PDZD2: variants seen among roughly 807,000 people sequenced by gnomAD.
PDZD2 encodes the protein PDZ domain containing 2, also known as PDZ domain-containing protein 2.
A neutral mutation model predicts 220.7 loss-of-function variants in PDZD2; 90 were observed. The ratio of observed to expected loss-of-function variants is 0.41; its 90% confidence interval spans 0.34 to 0.49. The LOEUF (loss-of-function observed/expected upper bound fraction) is 0.49, where lower values mean the gene tolerates loss of function less well. Ranked by LOEUF, PDZD2 falls within the 20% of genes least tolerant of loss-of-function variation. The pLI, the probability that PDZD2 is intolerant of heterozygous loss-of-function variation, is 0.28. For missense variants in PDZD2, 3,174 were observed against 3,608.5 expected, an observed-to-expected ratio of 0.88 and a Z score of 3.08; for synonymous variants, 1,375 against 1,450.5, an observed-to-expected ratio of 0.95 and a Z score of 1.18.
chr5:31,846,505 G>C (rs1289258232), intron 2 of PDZD2, among the ~76,000 whole-genome samples: 1 of 152,178 alleles, frequency 6.6e-6, no homozygotes, highest in Non-Finnish European at 1.5e-5. Flanking sequence ...CATCTGTTCA[G>C]ACGTCATTCA....
Position 32,087,875 on chromosome 5 carries a change from C to CG in PDZD2, c.4433dup (p.Gln1479ProfsTer30). 1 of 1,612,276 alleles carries CG rather than the reference C, an allele frequency of 6.2e-7. No homozygotes were observed. ...AGCTCCTGCCGTGCCGAACCAGTCC[C>CG]GGGGGGCCAGACCTCCTCCCCGAGG... On this transcript the variant is annotated frameshift_variant, in exon 20 of 25. Transcript: ENST00000438447. LOFTEE classifies it high-confidence loss of function. This position sits in a 1 kb window ranked among gnomAD's most constrained non-coding sequence, Gnocchi z 4.0.
intron 7 of PDZD2, among the ~76,000 whole-genome samples, chr5:32,038,182 TA>T (rs547581515): frequency 0.21 from 22,473 of 108,960 alleles, 2,238 homozygotes; most frequent in Admixed American, 0.24. Flanking sequence ...TTTCCTCCAT[TA>T]AAAAAAAAAA....
intron 1 of PDZD2, among the ~76,000 whole-genome samples, chr5:31,789,532 G>A (rs1365187193): frequency 6.6e-6 from 1 of 152,216 alleles, no homozygotes; most frequent in Non-Finnish European, 1.5e-5. Context: ...CCAGACTTCT[G>A]GGTGTTATGT....
rs571671050 is a variant in PDZD2 at position 31,906,565 on chromosome 5, G to T, written c.477-76590G>T. Among the ~76,000 whole-genome samples the T allele has an allele frequency of 1.5e-4, 23 of 152,058 alleles. No individual in the cohort carries two copies. The South Asian group carries it at 4.8e-3, about 32-fold the overall frequency. ...ATCTATTAAGAGACTATTTATAGCC[G>T]GGTGCAGTGGCTCACCCCTGTAATC... On this transcript the variant is annotated intron_variant, in intron 2 of 24. Coordinates refer to ENST00000438447, the MANE Select transcript of PDZD2 (RefSeq NM_178140.4).
In PDZD2 at chr5:32,089,972, A is replaced by T; in HGVS notation, c.6524A>T (p.Gln2175Leu). 6.2e-7 allele frequency: 1 copy of T among 1,604,044 alleles called. No homozygotes were observed. The highest frequency in any genetic ancestry group is 2.2e-5 in the East Asian group (1 of 44,770). Residue 2175 changes from glutamine (Q) to leucine (L), a missense_variant, in exon 20 of 25, where the codon CAA (glutamine) becomes CTA (leucine). Around this residue, in one of 4 missense-constraint regions of PDZD2, gnomAD observed 1,861 missense variants for 2,001.0 expected, o/e 0.93. Transcript: ENST00000438447. Reference protein sequence around the residue: ...AKLASSSSSLQTAIRKAEYSQ... With the variant: ...AKLASSSSSLLTAIRKAEYSQ... ...CTGGCGTCCTCCTCCTCCTCCCTTC[A>T]AACAGCCATTAGAAAGGCAGAATAC... is the stretch of plus-strand genomic sequence containing the variant.
chr5:32,071,552 C>A (rs576540772), intron 16 of PDZD2, 134 bp downstream of exon 16: 3 of 716,242 alleles, frequency 4.2e-6, no homozygotes, highest in Non-Finnish European at 7.6e-6. Context: ...TACAGGAAAT[C>A]GCAACAATGC....
At chr5:31,879,086 T>G (rs895846610) in intron 2 of PDZD2, among the ~76,000 whole-genome samples, 1 of 151,790 alleles carries the variant, frequency 6.6e-6, no homozygotes, top group African/African-American at 2.4e-5. Flanking sequence ...TAAATGGATG[T>G]TAAGAATGGA....
At chr5:31,711,315 C>T (rs1467945474) in intron 1 of PDZD2, among the ~76,000 whole-genome samples, 1 of 152,174 alleles carries the variant, frequency 6.6e-6, no homozygotes, top group Non-Finnish European at 1.5e-5. Flanking sequence ...ATGTACTGTG[C>T]CCCGAGCTAC....
chr5:31,975,946 G>A (rs1475397169), intron 2 of PDZD2, among the ~76,000 whole-genome samples: 2 of 151,736 alleles, frequency 1.3e-5, no homozygotes, highest in African/African-American at 4.8e-5. Flanking sequence ...TGGGAGTACA[G>A]GTGTGCACCA....
At chr5:31,743,728 A>G (rs1206739217) in intron 1 of PDZD2, among the ~76,000 whole-genome samples, 3 of 152,088 alleles carry the variant, frequency 2.0e-5, no homozygotes, top group Non-Finnish European at 4.4e-5. Context: ...TATCCCCAGC[A>G]ACCACTGAGA....
intron 2 of PDZD2, chr5:31,823,128 G>A (rs530450073): frequency 1.1e-5 from 5 of 443,284 alleles, no homozygotes; most frequent in South Asian, 9.0e-5. Context: ...TGCTGAGAAT[G>A]GTCTTCATTC....
chr5:31,849,983 TATATATATACAC>T lies in PDZD2; in HGVS notation c.476+50269_476+50280del, dbSNP rs1757891478. Among the ~76,000 whole-genome samples, 6 of 35,758 alleles carry T rather than the reference TATATATATACAC, an allele frequency of 1.7e-4. 2 individuals carry two copies. The highest frequency in any genetic ancestry group is 9.5e-4 in the African/African-American group (5 of 5,272). The allele number at this position is 35,758 out of a possible 152,430, so 23.5% of individuals were successfully genotyped here. On this transcript the variant is annotated intron_variant, in intron 2 of 24. Coordinates refer to ENST00000438447, the MANE Select transcript of PDZD2 (RefSeq NM_178140.4). ...ATATACACATATATATATATACATA[TATATATATACAC>T]ATATATATATATACACACACACGTA...
chr5:31,884,785 G>A (rs1282356455), intron 2 of PDZD2, among the ~76,000 whole-genome samples: 1 of 151,918 alleles, frequency 6.6e-6, no homozygotes, highest in East Asian at 1.9e-4. Context: ...ATGGGGTTTT[G>A]CCATCCACCA....
intron 2 of PDZD2, among the ~76,000 whole-genome samples, chr5:31,957,795 A>G (rs1421117229): frequency 6.6e-6 from 1 of 152,196 alleles, no homozygotes; most frequent in Non-Finnish European, 1.5e-5. Flanking sequence ...CTTCCACCAG[A>G]CCTTCAAGTT....
At chr5:31,778,389 C>T (rs1378434193) in intron 1 of PDZD2, among the ~76,000 whole-genome samples, 1 of 152,172 alleles carries the variant, frequency 6.6e-6, no homozygotes, top group Non-Finnish European at 1.5e-5. Flanking sequence ...GCTGCTCACT[C>T]TTTGGGTCTG....
At chr5:32,091,279 CTTTTTT>C (rs57254389) in intron 20 of PDZD2, 104 bp downstream of exon 20, 121 of 262,356 alleles carry the variant, frequency 4.6e-4, no homozygotes, top group East Asian at 1.4e-3. Context: ...TTCCCACTTA[CTTTTTT>C]TTTTTTTTTT....
intron 24 of PDZD2, 82 bp from the exon 25 acceptor site, chr5:32,107,869 ATTTAGATATTTTTATCAC>A: frequency 1.5e-6 from 1 of 650,980 alleles, no homozygotes; most frequent in Non-Finnish European, 2.6e-6. Context: ...ATAATATATT[ATTTAGATATTTTTATCAC>A]TTAAAAGTTT....
intron 1 of PDZD2, among the ~76,000 whole-genome samples, chr5:31,727,710 A>G (rs1749246333): frequency 1.8e-5 from 2 of 111,302 alleles, no homozygotes; most frequent in Non-Finnish European, 3.6e-5. Context: ...TCAAAAAAAA[A>G]AAAAAAAGAA....
intron 2 of PDZD2, among the ~76,000 whole-genome samples, chr5:31,819,951 T>G (rs1297809109): frequency 6.6e-6 from 1 of 152,188 alleles, no homozygotes; most frequent in Non-Finnish European, 1.5e-5. Context: ...ACACAATGGG[T>G]GGGTTCAGTC....
Sources: allele counts gnomAD v4.1 joint callset (sites outside exome capture counted in the v4.1 genomes callset), GRCh38; gene constraint gnomAD v4.1.1; regional missense constraint gnomAD v4.1.1; non-coding constraint Gnocchi (gnomAD v3.1); transcripts MANE v1.5; gene names NCBI Gene and HGNC (gene_info 2026-07-23, HGNC 2026-07-21).